IGSF6: variants seen among roughly 807,000 people sequenced by gnomAD.
The protein encoded by IGSF6 is immunoglobulin superfamily member 6, also known as down-regulated by activation (immunoglobulin superfamily).
In IGSF6, 23 loss-of-function variants were observed where a neutral mutation model predicts 24.7. The ratio of observed to expected loss-of-function variants is 0.93; its 90% CI spans 0.67 to 1.32. IGSF6 has a LOEUF of 1.32. Among genes scored for constraint, IGSF6 ranks in the 40% most tolerant of loss-of-function variants. The pLI is 0.00. For synonymous variants in IGSF6, 110 were observed against 113.7 expected, an observed-to-expected ratio of 0.97 and a Z score of 0.21; for missense variants, 295 against 293.6, an observed-to-expected ratio of 1.00 and a Z score of -0.04.
chr16:21,641,844 C>T (rs1966280515), intron 5 of IGSF6, among the ~76,000 whole-genome samples: 1 of 152,042 alleles, frequency 6.6e-6, no homozygotes, highest in Admixed American at 6.5e-5. Flanking sequence ...ATTCTCACTT[C>T]TAAGACTGCT....
chr16:21,644,497 T>G, intron 2 of IGSF6, 101 bp from the exon 3 acceptor site: 1 of 772,208 alleles, frequency 1.3e-6, no homozygotes, highest in South Asian at 1.6e-5. Context: ...AGGTGAAACG[T>G]GAACTTACTC....
chr16:21,643,087 G>T lies in IGSF6; in HGVS notation c.653C>A (p.Thr218Lys). 1.2e-6 allele frequency: 2 copies of T among 1,600,596 alleles called. No individual in the cohort carries two copies. Among genetic ancestry groups the T allele is most frequent in the Non-Finnish European group, 8.5e-7 (1 of 1,171,260 alleles). The change falls in exon 5 of 6, where the codon ACA becomes AAA. Residue 218 changes from threonine to lysine, a missense_variant. Thr to Lys is a moderately conservative substitution (Grantham distance 78). Coordinates refer to ENST00000268389, the MANE Select transcript of IGSF6 (RefSeq NM_005849.4). Reference protein sequence around the residue: ...QELYHKRHVETNQQSEKDNNT... With the variant: ...QELYHKRHVEKNQQSEKDNNT... ...TTTTACACTTACAGATTGCTGATTT[G>T]TTTCCACATGTCTCTTATGGTATAG... is the stretch of plus-strand genomic sequence containing the variant.
At chr16:21,648,795 T>C (rs1966493155) in intron 1 of IGSF6, among the ~76,000 whole-genome samples, 1 of 152,178 alleles carries the variant, frequency 6.6e-6, no homozygotes, top group Non-Finnish European at 1.5e-5. Flanking sequence ...ATGGTCCTAT[T>C]TGTGTGAGTT....
chr16:21,644,657 G>A lies in IGSF6; in HGVS notation c.428-261C>T, dbSNP rs537022984. On this transcript the variant is annotated intron_variant, in intron 2 of 5. Transcript: ENST00000268389. ...AATTCAACCAACCATTTGTCATATT[G>A]CTAAGCATCACTTTTTAGATAAAGG... Among the ~76,000 whole-genome samples, 3 of 152,222 alleles carry A rather than the reference G, an allele frequency of 2.0e-5. No individual in the cohort carries two copies. The East Asian group carries it at 5.8e-4, about 29-fold the overall frequency.
intron 2 of IGSF6, among the ~76,000 whole-genome samples, chr16:21,645,714 A>AT (rs1054615750): frequency 2.0e-5 from 3 of 152,120 alleles, no homozygotes; most frequent in Non-Finnish European, 4.4e-5. Context: ...TTTACAAGCC[A>AT]TTTTTCCCTT....
At chr16:21,645,436 G>A (rs766105754) in intron 2 of IGSF6, among the ~76,000 whole-genome samples, 9 of 152,034 alleles carry the variant, frequency 5.9e-5, no homozygotes, top group African/African-American at 9.7e-5. Context: ...CAGCCCGGGC[G>A]ACAGAGCAAG....
At chr16:21,641,764 G>T (rs1295699477) in intron 5 of IGSF6, among the ~76,000 whole-genome samples, 171 bp from the exon 6 acceptor site, 1 of 152,088 alleles carries the variant, frequency 6.6e-6, no homozygotes, top group East Asian at 1.9e-4. Flanking sequence ...AGAGTAGGAT[G>T]TGGGAACTGA....
At position 21,647,316 on chromosome 16, in the gene IGSF6, C is replaced by T. The variant is rs967018221; in HGVS notation, c.244G>A (p.Gly82Arg). ...AHQPENLCLD[G>R]CKSEADKFTV... ...AACTTGTCTGCCTCACTTTTGCACC[C>T]GTCCAAGCACAGGTTCTCAGGCTGG... The change falls in exon 2 of 6, where the codon GGG becomes AGG. Residue 82 changes from glycine (G) to arginine (R), a missense_variant. Physicochemically the swap from Gly to Arg is moderately radical, Grantham distance 125. Transcript: ENST00000268389. 1.2e-5 allele frequency: 20 copies of T among 1,614,054 alleles called. No individual in the cohort carries two copies. In the Middle Eastern group the frequency reaches 1.8e-3, roughly 146 times the overall value.
chr16:21,644,984 G>C (rs1966387690), intron 2 of IGSF6, among the ~76,000 whole-genome samples: 1 of 152,200 alleles, frequency 6.6e-6, no homozygotes, highest in African/African-American at 2.4e-5. Flanking sequence ...TCTGGAAATA[G>C]AGTTATTGAA....
At chr16:21,650,661 C>T (rs1966549285) in intron 1 of IGSF6, among the ~76,000 whole-genome samples, 2 of 152,072 alleles carry the variant, frequency 1.3e-5, no homozygotes, top group Non-Finnish European at 2.9e-5. Flanking sequence ...CCCAATTAGG[C>T]TATGTGTGGG....
In IGSF6 at chr16:21,647,237, ACT is replaced by A. The variant is rs1303119536; in HGVS notation, c.321_322del (p.Arg107SerfsTer5). The A allele has an allele frequency of 1.2e-6, 2 of 1,613,826 alleles. No homozygotes were observed. The highest frequency in any genetic ancestry group is 2.7e-5 in the African/African-American group (2 of 74,842). On this transcript the variant is annotated frameshift_variant, in exon 2 of 6. Coordinates refer to ENST00000268389, the MANE Select transcript of IGSF6 (RefSeq NM_005849.4). LOFTEE classifies it high-confidence loss of function. ...GTAAATTGCACTGTCATTTGAAGTC[ACT>A]CTGTTTACAGTGAGGGAAACTTGGT...
At chr16:21,641,810 A>C (rs1043937922) in intron 5 of IGSF6, among the ~76,000 whole-genome samples, 1 of 152,142 alleles carries the variant, frequency 6.6e-6, no homozygotes. Context: ...TGCTACTGTC[A>C]AAATCGTGGC....
chr16:21,650,844 G>GT (rs1966554628), intron 1 of IGSF6, among the ~76,000 whole-genome samples: 1 of 152,144 alleles, frequency 6.6e-6, no homozygotes, highest in African/African-American at 2.4e-5. Flanking sequence ...TCTAGGAATT[G>GT]TTTTTTAAAC....
intron 1 of IGSF6, among the ~76,000 whole-genome samples, chr16:21,649,454 C>T (rs897286609): frequency 6.6e-6 from 1 of 152,136 alleles, no homozygotes; most frequent in African/African-American, 2.4e-5. Flanking sequence ...AGCTCAGCTC[C>T]ATCTCCAGCC....
rs1966443455 is a variant in IGSF6 at position 21,646,908 on chromosome 16, A to T, written c.427+225T>A. 1.3e-5 allele frequency: 7 copies of T among 547,744 alleles called. No individual in the cohort carries two copies. The Admixed American group carries it at 1.4e-4, about 11-fold the overall frequency. The allele number at this position is 547,744 out of a possible 1,614,324, so 33.9% of individuals were successfully genotyped here. ...TGACCTCAAGTGATTCGTCCACCTC[A>T]GCCTCAAAGTGCTGGGATTACAGGT... is the stretch of plus-strand genomic sequence containing the variant. On this transcript the variant is annotated intron_variant, in intron 2 of 5. Transcript: ENST00000268389.
chr16:21,642,401 T>A (rs1054776085), intron 5 of IGSF6: 8 of 152,184 alleles, frequency 5.3e-5, no homozygotes, highest in Admixed American at 3.3e-4. Flanking sequence ...CCATAAATTT[T>A]AAAAAATAAA....
chr16:21,640,593 A>G lies in IGSF6; in HGVS notation c.*941T>C, dbSNP rs1966228916. On this transcript the variant is annotated 3_prime_UTR_variant, in exon 6 of 6. Coordinates refer to ENST00000268389, the MANE Select transcript of IGSF6 (RefSeq NM_005849.4). ...TGGTGAAACCCCGTCTCTACTAAAA[A>G]TACAAAAAAAAAAAAAAAAAAAAAT... is the stretch of plus-strand genomic sequence containing the variant. 1 of 136,998 alleles carries G rather than the reference A, an allele frequency of 7.3e-6. No homozygotes were observed. The highest frequency in any genetic ancestry group is 2.2e-4 in the South Asian group (1 of 4,592). 8.5% of individuals were successfully genotyped at this position (136,998 alleles called of 1,614,324 possible).
At chr16:21,650,136 A>C (rs1966528895) in intron 1 of IGSF6, among the ~76,000 whole-genome samples, 1 of 151,976 alleles carries the variant, frequency 6.6e-6, no homozygotes, top group Non-Finnish European at 1.5e-5. Flanking sequence ...CAGCATTGTG[A>C]GTCCCTGTCT....
intron 1 of IGSF6, among the ~76,000 whole-genome samples, chr16:21,650,951 T>C (rs1966556730): frequency 6.6e-6 from 1 of 152,168 alleles, no homozygotes; most frequent in African/African-American, 2.4e-5. Flanking sequence ...AGGCTGGGCA[T>C]GGTGGCTCAT....
Sources: gnomAD v4.1 joint callset for allele counts (sites outside exome capture counted in the v4.1 genomes callset) on GRCh38, gnomAD v4.1.1 for gene constraint, MANE v1.5 for transcripts, NCBI Gene and HGNC (gene_info 2026-07-23, HGNC 2026-07-21) for gene names.